SEC31A: variants seen among roughly 807,000 people sequenced by gnomAD.
SEC31A encodes SEC31 homolog A, COPII component.
A neutral mutation model predicts 151.0 loss-of-function variants in SEC31A; 70 were observed. The observed-to-expected ratio is 0.46, with a 90% CI of 0.38 to 0.57. The LOEUF (loss-of-function observed/expected upper bound fraction) is 0.57, where lower values mean the gene tolerates loss of function less well. SEC31A is among the 20% of genes least tolerant of loss of function. The pLI is 0.00. For synonymous variants in SEC31A, 475 were observed against 505.9 expected (o/e 0.94, Z 0.82); for missense variants, 1,330 against 1,471.2 (o/e 0.90, Z 1.57).
intron 10 of SEC31A, among the ~76,000 whole-genome samples, chr4:82,866,596 T>C (rs1029973814): frequency 2.6e-5 from 4 of 152,108 alleles, no homozygotes; most frequent in African/African-American, 9.7e-5. Context: ...AATGATCAAT[T>C]TTATGTATAT....
At position 82,866,869 on chromosome 4, in the gene SEC31A, A is replaced by G. The variant is rs150181375; in HGVS notation, c.1136T>C (p.Ile379Thr). 5.0e-5 allele frequency: 80 copies of G among 1,614,142 alleles called. No homozygotes were observed. The African/African-American group carries it at 7.7e-4, about 16-fold the overall frequency. The change falls in exon 10 of 27, where the codon ATA (isoleucine) becomes ACA (threonine). Residue 379 changes from isoleucine (I) to threonine (T), a missense_variant. Coordinates refer to ENST00000395310, the MANE Select transcript of SEC31A (RefSeq NM_001077207.4). ...QIPQQTAQHS[I>T]VLPLKKPPKW... ...GGGCGGCTTCTTCAGAGGCAGCACTATACTATGCTGAGCAGTCTGCTGTGG... is the reference window on the plus strand; with the variant it reads ...GGGCGGCTTCTTCAGAGGCAGCACTGTACTATGCTGAGCAGTCTGCTGTGG...
intron 6 of SEC31A, among the ~76,000 whole-genome samples, chr4:82,873,078 A>T (rs983311866): frequency 3.9e-5 from 6 of 152,092 alleles, no homozygotes; most frequent in Non-Finnish European, 7.4e-5. Flanking sequence ...TAACACATAC[A>T]GGCTGGGCGT....
At chr4:82,882,326 C>T (rs959002590) in intron 1 of SEC31A, among the ~76,000 whole-genome samples, 2 of 145,052 alleles carry the variant, frequency 1.4e-5, no homozygotes. Flanking sequence ...TGGCATGACC[C>T]GGAAGACAGA....
chr4:82,880,564 G>A (rs2125827155), intron 3 of SEC31A: 1 of 326,040 alleles, frequency 3.1e-6, no homozygotes, highest in African/African-American at 2.3e-5. Context: ...ACTCCAGCCT[G>A]AGCTATGAAG....
intron 24 of SEC31A, among the ~76,000 whole-genome samples, chr4:82,826,869 A>G (rs1445958240): frequency 6.6e-6 from 1 of 152,210 alleles, no homozygotes; most frequent in African/African-American, 2.4e-5. Context: ...GTCTAAGTGT[A>G]TTATGTAGAA....
At chr4:82,896,056 G>A (rs538845317), upstream of SEC31A, among the ~76,000 whole-genome samples, 205 of 152,294 alleles carry the variant, frequency 1.3e-3, no homozygotes, top group African/African-American at 4.7e-3. Context: ...AAAAAACTCA[G>A]AACAAAGATT....
chr4:82,854,886 T>A lies in SEC31A; in HGVS notation c.2008+17A>T. 6.2e-7 allele frequency: 1 copy of A among 1,603,152 alleles called. No individual in the cohort carries two copies. ...CCACGTATGTAAATGCAGTTAAATA[T>A]AAAGCACATCTCTTACCACAAAGGG... On this transcript the variant is annotated intron_variant, in intron 17 of 26. Transcript: ENST00000395310.
At chr4:82,833,086 C>T (rs1260382444) in intron 22 of SEC31A, among the ~76,000 whole-genome samples, 4 of 152,134 alleles carry the variant, frequency 2.6e-5, no homozygotes, top group South Asian at 2.1e-4. Context: ...AATCATTCTA[C>T]GATAAAGACA....
intron 4 of SEC31A, among the ~76,000 whole-genome samples, chr4:82,876,741 C>G (rs1396741312): frequency 1.3e-5 from 2 of 152,124 alleles, no homozygotes; most frequent in Non-Finnish European, 2.9e-5. Flanking sequence ...ATATAAAGTA[C>G]AGGAAGATAA....
At chr4:82,858,476 G>C (rs1179671205) in intron 14 of SEC31A, among the ~76,000 whole-genome samples, 1 of 147,264 alleles carries the variant, frequency 6.8e-6, no homozygotes, top group Non-Finnish European at 1.5e-5. Flanking sequence ...CCCAGGAGGC[G>C]GAGGTTGCAG....
chr4:82,850,794 C>G lies in SEC31A; in HGVS notation c.2328+637G>C, dbSNP rs534033188. 2.0e-5 allele frequency among the ~76,000 whole-genome samples: 3 copies of G among 152,290 alleles called. No homozygotes were observed. In the South Asian group the frequency reaches 6.2e-4, roughly 32 times the overall value. ...AATCTCATGTTTACTTGTCCATAGC[C>G]AAATTGAGTTTGGAGGCTTCCTAGA... On this transcript the variant is annotated intron_variant, in intron 19 of 26. Transcript: ENST00000395310.
intron 22 of SEC31A, among the ~76,000 whole-genome samples, chr4:82,837,274 A>C (rs1187378974): frequency 6.7e-6 from 1 of 149,492 alleles, no homozygotes; most frequent in Non-Finnish European, 1.5e-5. Flanking sequence ...TATGAAGGGA[A>C]TAAATAAACC....
intron 1 of SEC31A, chr4:82,890,679 A>T (rs1303721736): frequency 4.6e-6 from 4 of 871,038 alleles, no homozygotes; most frequent in African/African-American, 1.8e-5. Context: ...GTTCAAGTAC[A>T]AAAAAAAATC....
chr4:82,820,458 C>A (rs1157825601), intron 26 of SEC31A, among the ~76,000 whole-genome samples: 1 of 152,086 alleles, frequency 6.6e-6, no homozygotes, highest in Non-Finnish European at 1.5e-5. Context: ...CTTCTCCTTT[C>A]CTAGTGCTTT....
chr4:82,825,573 A>G (rs1724368619), intron 24 of SEC31A, among the ~76,000 whole-genome samples: 1 of 152,228 alleles, frequency 6.6e-6, no homozygotes, highest in Non-Finnish European at 1.5e-5. Context: ...GGATCACGGT[A>G]AAAGGGAGCT....
In SEC31A at chr4:82,833,403, G is replaced by A. The variant is rs575204685; in HGVS notation, c.2969-4345C>T. Among the ~76,000 whole-genome samples the A allele has an allele frequency of 2.0e-5, 3 of 151,824 alleles. 1 individual carries two copies. The highest frequency in any genetic ancestry group is 4.2e-4 in the South Asian group (2 of 4,800). On this transcript the variant is annotated intron_variant, in intron 22 of 26. Coordinates refer to ENST00000395310, the MANE Select transcript of SEC31A (RefSeq NM_001077207.4). The stretch of plus-strand genomic sequence containing the variant: ...GGGAACATCACACACTGGGGCCTGT[G>A]GGGGGCTAGGGGAGGGATAACATTA...
intron 3 of SEC31A, among the ~76,000 whole-genome samples, chr4:82,880,417 C>T (rs1413637224): frequency 1.3e-5 from 2 of 151,420 alleles, no homozygotes; most frequent in South Asian, 2.1e-4. Flanking sequence ...TGGCAAAACC[C>T]TGTCGCTACT....
chr4:82,863,121 A>C, intron 12 of SEC31A, 197 bp downstream of exon 12: 1 of 502,292 alleles, frequency 2.0e-6, no homozygotes, highest in Non-Finnish European at 3.4e-6. Context: ...TCATTTATCA[A>C]TATGTATTCA....
chr4:82,900,558 G>A, upstream of SEC31A: 1 of 537,836 alleles, frequency 1.9e-6, no homozygotes, highest in Non-Finnish European at 3.3e-6. Flanking sequence ...GGAGGGAGGA[G>A]CGGTCAAATG....
Sources: allele counts gnomAD v4.1 joint callset (sites outside exome capture counted in the v4.1 genomes callset), GRCh38; gene constraint gnomAD v4.1.1; transcripts MANE v1.5; gene names NCBI Gene and HGNC (gene_info 2026-07-23, HGNC 2026-07-21).